The following ANO2 variants were observed in gnomAD, a reference collection of about 807,000 sequenced individuals.
The protein encoded by ANO2 is anoctamin-2.
A neutral mutation model predicts 124.2 loss-of-function variants in ANO2; 101 were observed. That is an observed-to-expected ratio of 0.81 (90% CI 0.69 to 0.96). ANO2 has a LOEUF of 0.96. ANO2 is among the 40% of genes least tolerant of loss of function. ANO2 has a pLI of 0.00. For missense variants in ANO2, 1,293 were observed against 1,274.5 expected (o/e 1.01, Z -0.22); for synonymous variants, 486 against 482.5 (o/e 1.01, Z -0.09).
intron 3 of ANO2, among the ~76,000 whole-genome samples, chr12:5,867,733 T>C (rs1340332449): frequency 7.0e-6 from 1 of 143,456 alleles, no homozygotes; most frequent in Non-Finnish European, 1.5e-5. Flanking sequence ...GGATGTGATG[T>C]TGATAAACTA....
intron 19 of ANO2, among the ~76,000 whole-genome samples, chr12:5,604,643 G>A (rs1290955002): frequency 1.3e-5 from 2 of 152,188 alleles, no homozygotes; most frequent in East Asian, 3.9e-4. Context: ...GTCCCATCCA[G>A]TGTGGGTAGG....
intron 1 of ANO2, among the ~76,000 whole-genome samples, chr12:5,944,295 C>T (rs1390812834): frequency 6.6e-6 from 1 of 152,226 alleles, no homozygotes; most frequent in Non-Finnish European, 1.5e-5. Context: ...CCACCTGCCA[C>T]CTGCCTTTGG....
At chr12:5,781,318 T>C (rs1334971844) in intron 10 of ANO2, among the ~76,000 whole-genome samples, 1 of 152,212 alleles carries the variant, frequency 6.6e-6, no homozygotes, top group Non-Finnish European at 1.5e-5. Flanking sequence ...CCATACATAC[T>C]CCTCACTCTT....
chr12:5,587,524 G>A (rs1372885676), intron 20 of ANO2, among the ~76,000 whole-genome samples: 4 of 152,094 alleles, frequency 2.6e-5, no homozygotes, highest in Non-Finnish European at 4.4e-5. Context: ...GGCTGTGAGG[G>A]GCCTGCGGCA....
At chr12:5,934,885 A>G (rs1942583195) in intron 1 of ANO2, among the ~76,000 whole-genome samples, 1 of 152,162 alleles carries the variant, frequency 6.6e-6, no homozygotes, top group African/African-American at 2.4e-5. Context: ...TCTCCAAAGT[A>G]GGAATAGGTT....
chr12:5,923,031 T>TACACAC (rs1194948931), intron 1 of ANO2, among the ~76,000 whole-genome samples: 1 of 128,440 alleles, frequency 7.8e-6, no homozygotes, highest in African/African-American at 3.0e-5. Flanking sequence ...CACACACACA[T>TACACAC]ACACACACAT....
intron 19 of ANO2, among the ~76,000 whole-genome samples, chr12:5,604,375 A>G (rs1277741427): frequency 1.3e-5 from 2 of 152,218 alleles, no homozygotes; most frequent in Non-Finnish European, 2.9e-5. Flanking sequence ...GCAACTGCAT[A>G]TCTGTGCCTA....
intron 14 of ANO2, among the ~76,000 whole-genome samples, chr12:5,699,791 T>C (rs1280217493): frequency 2.0e-5 from 3 of 152,142 alleles, no homozygotes; most frequent in South Asian, 2.1e-4. Flanking sequence ...GTTGCAATCC[T>C]AGTCTCGGAT....
intron 7 of ANO2, among the ~76,000 whole-genome samples, chr12:5,819,677 T>C (rs368141955): frequency 5.9e-5 from 9 of 152,194 alleles, no homozygotes; most frequent in African/African-American, 2.2e-4. Flanking sequence ...CCAGAAGATA[T>C]ACCCTTGACC....
intron 14 of ANO2, among the ~76,000 whole-genome samples, chr12:5,698,043 C>T (rs1335043659): frequency 3.3e-5 from 5 of 152,128 alleles, no homozygotes; most frequent in African/African-American, 1.2e-4. Flanking sequence ...GGCATAGAGG[C>T]AGCAGAAATT....
At chr12:5,689,423 C>T (rs1023342169) in intron 14 of ANO2, among the ~76,000 whole-genome samples, 49 of 152,190 alleles carry the variant, frequency 3.2e-4, no homozygotes, top group Middle Eastern at 3.4e-3. Context: ...CATAAATTGG[C>T]TTCATTTCAG....
chr12:5,719,848 G>C (rs1016117741), intron 14 of ANO2, among the ~76,000 whole-genome samples: 1 of 152,130 alleles, frequency 6.6e-6, no homozygotes, highest in Non-Finnish European at 1.5e-5. Flanking sequence ...AGTTGTCCAC[G>C]GTGGTAACCT....
chr12:5,937,951 C>T (rs548826130), intron 1 of ANO2, among the ~76,000 whole-genome samples: 1 of 152,176 alleles, frequency 6.6e-6, no homozygotes, highest in Non-Finnish European at 1.5e-5. Flanking sequence ...CTCATGAGGT[C>T]TTGCCACTCT....
In ANO2 at chr12:5,854,027, A is replaced by G; in HGVS notation, c.633+16T>C. ...GCCCTCAGGAGGCCCAGAACCCAGG[A>G]GAAACATGCTCATACTTTCTTGGTA... On this transcript the variant is annotated intron_variant, in intron 4 of 24. Coordinates refer to ENST00000682330, the MANE Select transcript of ANO2 (RefSeq NM_001364791.2). 1.9e-6 allele frequency: 3 copies of G among 1,610,286 alleles called. No individual in the cohort carries two copies. Among genetic ancestry groups the G allele is most frequent in the African/African-American group, 1.3e-5 (1 of 74,946 alleles).
At chr12:5,608,099 G>A (rs1944308526) in intron 19 of ANO2, among the ~76,000 whole-genome samples, 1 of 151,852 alleles carries the variant, frequency 6.6e-6, no homozygotes, top group African/African-American at 2.4e-5. Flanking sequence ...GAAAACTACT[G>A]GGTCTAATTT....
At chr12:5,734,014 C>G (rs969110736) in intron 13 of ANO2, among the ~76,000 whole-genome samples, 2 of 152,216 alleles carry the variant, frequency 1.3e-5, no homozygotes, top group African/African-American at 4.8e-5. Context: ...ACAGAAATCT[C>G]TGAACGCTTG....
intron 7 of ANO2, among the ~76,000 whole-genome samples, chr12:5,826,690 C>T (rs945723100): frequency 6.6e-6 from 1 of 152,046 alleles, no homozygotes; most frequent in South Asian, 2.1e-4. Flanking sequence ...AGAGGTTAAG[C>T]ACTATTCTAA....
At chr12:5,677,309 T>C (rs984708456) in intron 14 of ANO2, among the ~76,000 whole-genome samples, 1 of 152,166 alleles carries the variant, frequency 6.6e-6, no homozygotes, top group Non-Finnish European at 1.5e-5. Context: ...TCAAGCCACT[T>C]ACTATTTCAG....
chr12:5,691,644 C>T (rs1183093885), intron 14 of ANO2, among the ~76,000 whole-genome samples: 2 of 152,082 alleles, frequency 1.3e-5, no homozygotes, highest in African/African-American at 2.4e-5. Flanking sequence ...TGGCTCACAC[C>T]TATAATTCTG....
Sources: allele counts gnomAD v4.1 joint callset (sites outside exome capture counted in the v4.1 genomes callset), GRCh38; gene constraint gnomAD v4.1.1; transcripts MANE v1.5; gene names NCBI Gene and HGNC (gene_info 2026-07-23, HGNC 2026-07-21).